The following PCDH11X variants were observed in gnomAD, a reference collection of about 807,000 sequenced individuals.
The protein encoded by PCDH11X is protocadherin 11 X-linked.
PCDH11X carries 18 observed loss-of-function variants against 53.3 expected under a neutral mutation model. The observed-to-expected ratio is 0.34, with a 90% CI of 0.23 to 0.50. PCDH11X has a LOEUF of 0.50. PCDH11X is among the 20% of genes least tolerant of loss of function. The probability of loss-of-function intolerance (pLI) is 0.98; values close to 1 mark genes in which losing one functional copy is unlikely to be tolerated. For synonymous variants in PCDH11X, 279 were observed against 393.3 expected (o/e 0.71, Z 3.44); for missense variants, 570 against 1,032.4 (o/e 0.55, Z 6.14).
chrX:92,032,339 C>T (rs1287556504), intron 6 of PCDH11X, among the ~76,000 whole-genome samples: 2 of 111,420 alleles, frequency 1.8e-5, no homozygotes. Context: ...TTCTATCCTG[C>T]AATTTTACTA....
intron 5 of PCDH11X, among the ~76,000 whole-genome samples, chrX:91,840,994 C>G (rs1602338645): frequency 9.0e-6 from 1 of 110,747 alleles, no homozygotes; most frequent in African/African-American, 3.3e-5. Flanking sequence ...ATTTTATAGT[C>G]TCTGAATTCT....
chrX:91,780,069 T>G (rs1375394054), intron 1 of PCDH11X, among the ~76,000 whole-genome samples: 1 of 111,779 alleles, frequency 8.9e-6, no homozygotes, highest in East Asian at 2.8e-4. Flanking sequence ...GGGGCGGGTG[T>G]TGACAAAAGA....
chrX:91,937,383 T>C lies in PCDH11X; in HGVS notation c.3033+58110T>C, dbSNP rs772024640. Among the ~76,000 whole-genome samples the C allele has an allele frequency of 3.6e-5, 4 of 110,525 alleles. No homozygotes were observed. In the South Asian group the frequency reaches 1.5e-3, roughly 42 times the overall value. On this transcript the variant is annotated intron_variant, in intron 6 of 10. Transcript: ENST00000682573. ...AGAGTAAAATCAGAATAATTTCCCATTGCATCAAACACAGGGACAAATATT... is the reference window on the plus strand; with the variant it reads ...AGAGTAAAATCAGAATAATTTCCCACTGCATCAAACACAGGGACAAATATT...
chrX:91,976,938 C>T (rs2062054688), intron 6 of PCDH11X, among the ~76,000 whole-genome samples: 1 of 110,518 alleles, frequency 9.0e-6, no homozygotes, highest in Non-Finnish European at 1.9e-5. Flanking sequence ...ATTAATGCTC[C>T]ACTTTGGTTT....
Position 92,155,482 on chromosome X carries a change from G to A in PCDH11X, c.3034-45893G>A, listed in dbSNP as rs866964307. ...TCCACTTCCTCAGGCCAAAAACCTTGGCATTGTCTTTTTTCTTTCACACAC... is the reference window on the plus strand; with the variant it reads ...TCCACTTCCTCAGGCCAAAAACCTTAGCATTGTCTTTTTTCTTTCACACAC... On this transcript the variant is annotated intron_variant, in intron 6 of 10. Coordinates refer to ENST00000682573, the MANE Select transcript of PCDH11X (RefSeq NM_032968.5). Among the ~76,000 whole-genome samples the A allele has an allele frequency of 1.8e-3, 151 of 81,651 alleles. 2 individuals are homozygous for A. Among genetic ancestry groups the A allele is most frequent in the African/African-American group, 6.6e-3 (142 of 21,535 alleles). The allele number at this position is 81,651 out of a possible 115,157, so 70.9% of individuals were successfully genotyped here. A position where few individuals can be genotyped will look rare whatever the true frequency, so the allele number is the denominator to read the frequency against.
intron 8 of PCDH11X, among the ~76,000 whole-genome samples, chrX:92,345,244 T>A (rs897514414): frequency 2.7e-5 from 3 of 110,875 alleles, no homozygotes; most frequent in African/African-American, 6.5e-5. Flanking sequence ...TGGTACGTAT[T>A]TTTTTACTGT....
intron 6 of PCDH11X, among the ~76,000 whole-genome samples, chrX:92,196,547 C>A (rs1040400527): frequency 9.0e-6 from 1 of 111,235 alleles, no homozygotes; most frequent in Non-Finnish European, 1.9e-5. Flanking sequence ...GTCTGCCTTA[C>A]CCGTTCCCAG....
chrX:92,553,698 A>C, intron 10 of PCDH11X, among the ~76,000 whole-genome samples: 1 of 108,483 alleles, frequency 9.2e-6, no homozygotes, highest in East Asian at 2.9e-4. Flanking sequence ...ATGTAGGCAA[A>C]TATAGCTATA....
intron 8 of PCDH11X, among the ~76,000 whole-genome samples, chrX:92,280,008 C>A (rs202024993): frequency 8.9e-6 from 1 of 111,771 alleles, no homozygotes; most frequent in Non-Finnish European, 1.9e-5. Flanking sequence ...CATTTACATA[C>A]GCAAATAGCT....
chrX:92,486,764 A>T (rs1212596902), intron 10 of PCDH11X, among the ~76,000 whole-genome samples: 1 of 109,688 alleles, frequency 9.1e-6, no homozygotes, highest in Non-Finnish European at 1.9e-5. Flanking sequence ...CTGATTTTTT[A>T]TTATCACTCA....
intron 1 of PCDH11X, among the ~76,000 whole-genome samples, chrX:91,784,613 A>C (rs1935268220): frequency 9.0e-6 from 1 of 111,703 alleles, no homozygotes; most frequent in Admixed American, 9.5e-5. Context: ...ACATCATGTA[A>C]CATTTTACCC....
At chrX:92,094,335 TAG>T (rs2064100587) in intron 6 of PCDH11X, among the ~76,000 whole-genome samples, 1 of 110,840 alleles carries the variant, frequency 9.0e-6, no homozygotes, top group African/African-American at 3.3e-5. Flanking sequence ...ATAAAATGAG[TAG>T]AGATAGGTTA....
At chrX:91,855,242 T>G (rs746865503) in intron 5 of PCDH11X, among the ~76,000 whole-genome samples, 2 of 111,920 alleles carry the variant, frequency 1.8e-5, no homozygotes, top group Admixed American at 9.5e-5. Flanking sequence ...CAGCACCATT[T>G]ATTGAAGAGA....
intron 8 of PCDH11X, among the ~76,000 whole-genome samples, chrX:92,306,012 T>C (rs2068821253): frequency 9.1e-6 from 1 of 110,177 alleles, no homozygotes; most frequent in Non-Finnish European, 1.9e-5. Context: ...GAATTGACCA[T>C]ATGACAGCCA....
intron 6 of PCDH11X, among the ~76,000 whole-genome samples, chrX:91,915,985 G>A (rs1201605839): frequency 3.7e-5 from 4 of 109,260 alleles, no homozygotes; most frequent in African/African-American, 1.3e-4. Flanking sequence ...ATTATATCAA[G>A]TATCCTCTCA....
At chrX:92,562,542 C>T in intron 10 of PCDH11X, among the ~76,000 whole-genome samples, 1 of 106,000 alleles carries the variant, frequency 9.4e-6, no homozygotes, top group African/African-American at 3.4e-5. Flanking sequence ...GTGATATGGC[C>T]AGGCTGAAAA....
intron 6 of PCDH11X, among the ~76,000 whole-genome samples, chrX:91,896,619 A>T (rs771121215): frequency 1.5e-5 from 1 of 66,413 alleles, no homozygotes; most frequent in African/African-American, 6.0e-5. Flanking sequence ...TATTTGACAA[A>T]TGATGGAACC....
chrX:92,219,715 A>G (rs1257775401), intron 7 of PCDH11X, among the ~76,000 whole-genome samples: 2 of 94,237 alleles, frequency 2.1e-5, no homozygotes, highest in African/African-American at 7.7e-5. Context: ...TTCATATGGA[A>G]CCAAAAAAGA....
intron 1 of PCDH11X, among the ~76,000 whole-genome samples, chrX:91,801,784 T>A (rs1935945145): frequency 8.9e-6 from 1 of 112,140 alleles, no homozygotes; most frequent in Admixed American, 9.5e-5. Context: ...GCATTTGTTA[T>A]CAGTCCTCCA....
Sources: gnomAD v4.1 joint callset for allele counts (sites outside exome capture counted in the v4.1 genomes callset) on GRCh38, gnomAD v4.1.1 for gene constraint, MANE v1.5 for transcripts, NCBI Gene and HGNC (gene_info 2026-07-23, HGNC 2026-07-21) for gene names.